DLG2: variants seen among roughly 807,000 people sequenced by gnomAD.
DLG2 encodes the protein discs large MAGUK scaffold protein 2.
DLG2 carries 45 observed loss-of-function variants against 132.5 expected under a neutral mutation model. The observed-to-expected ratio is 0.34, with a 90% confidence interval of 0.27 to 0.44. The LOEUF (loss-of-function observed/expected upper bound fraction) is 0.44, where lower values mean the gene tolerates loss of function less well. DLG2 is among the 20% of genes least tolerant of loss of function. The probability of loss-of-function intolerance (pLI) is 1.00; values close to 1 mark genes in which losing one functional copy is unlikely to be tolerated. For synonymous variants in DLG2, 424 were observed against 419.6 expected, an observed-to-expected ratio of 1.01 and a Z score of -0.13; for missense variants, 1,045 against 1,196.9, an observed-to-expected ratio of 0.87 and a Z score of 1.87.
chr11:84,824,523 T>C (rs139011509), intron 6 of DLG2, among the ~76,000 whole-genome samples: 24 of 151,980 alleles, frequency 1.6e-4, no homozygotes, highest in African/African-American at 5.5e-4. Flanking sequence ...CTTGAGAAGG[T>C]TGCTTTTTAT....
intron 6 of DLG2, among the ~76,000 whole-genome samples, chr11:84,854,332 G>A (rs1282654914): frequency 6.6e-6 from 1 of 151,448 alleles, no homozygotes; most frequent in African/African-American, 2.4e-5. Flanking sequence ...AAACCCCTCT[G>A]AGCATCAGTT....
chr11:84,785,357 C>T (rs1398022479), intron 6 of DLG2, among the ~76,000 whole-genome samples: 2 of 152,016 alleles, frequency 1.3e-5, no homozygotes, highest in Non-Finnish European at 2.9e-5. Context: ...GAAGTTAAAT[C>T]TAGATTTGAT....
At chr11:83,700,616 G>C (rs916199513) in intron 18 of DLG2, among the ~76,000 whole-genome samples, 1 of 152,096 alleles carries the variant, frequency 6.6e-6, no homozygotes, top group African/African-American at 2.4e-5. Flanking sequence ...AATGAGAAAA[G>C]ATGAACAGTT....
chr11:84,986,296 G>GA (rs2056484370), intron 6 of DLG2, among the ~76,000 whole-genome samples: 1 of 151,966 alleles, frequency 6.6e-6, no homozygotes. Flanking sequence ...CAGCGAGATT[G>GA]AAATGGTAAT....
intron 7 of DLG2, among the ~76,000 whole-genome samples, chr11:84,491,935 A>G (rs1185211819): frequency 6.6e-6 from 1 of 152,154 alleles, no homozygotes; most frequent in East Asian, 1.9e-4. Flanking sequence ...TTTATCTCCT[A>G]TAAAAGGAAA....
intron 19 of DLG2, among the ~76,000 whole-genome samples, chr11:83,612,184 T>G (rs190691773): frequency 1.3e-5 from 2 of 152,168 alleles, no homozygotes; most frequent in African/African-American, 4.8e-5. Context: ...CAGGGCTAGG[T>G]GCTTTACTTG....
chr11:84,599,109 A>G (rs903118290), intron 6 of DLG2, among the ~76,000 whole-genome samples: 2 of 152,002 alleles, frequency 1.3e-5, no homozygotes, highest in African/African-American at 4.8e-5. Flanking sequence ...GCCGGGCATG[A>G]TGGTGCATGC....
At chr11:85,254,328 G>T (rs1375032710) in intron 4 of DLG2, among the ~76,000 whole-genome samples, 1 of 152,138 alleles carries the variant, frequency 6.6e-6, no homozygotes, top group Non-Finnish European at 1.5e-5. Flanking sequence ...TTTAGAACAG[G>T]TTACAAAACA....
In DLG2 at chr11:85,416,534, G is replaced by A. The variant is rs182030625; in HGVS notation, c.41-131169C>T. ...TTGAATCTGTAAGTAACTTTAGGCA[G>A]TATGGCCATTTTCACAATATTGATT... On this transcript the variant is annotated intron_variant, in intron 3 of 27. Transcript: ENST00000376104. Among the ~76,000 whole-genome samples the A allele has an allele frequency of 1.4e-3, 214 of 152,304 alleles. 1 individual carries two copies. The highest frequency in any genetic ancestry group is 2.4e-3 in the Non-Finnish European group (165 of 68,020).
chr11:83,895,145 C>CTTTTTTTTTTTTTTTTTTTTTTTTTTTT (rs11287512), intron 15 of DLG2, among the ~76,000 whole-genome samples: 3 of 87,904 alleles, frequency 3.4e-5, no homozygotes, highest in African/African-American at 5.0e-5. Flanking sequence ...GAACTACTGT[C>CTTTTTTTTTTTTTTTTTTTTTTTTTTTT]TTTTTTTTTT....
chr11:84,030,808 C>A (rs949240153), intron 11 of DLG2, among the ~76,000 whole-genome samples: 1 of 152,082 alleles, frequency 6.6e-6, no homozygotes, highest in Non-Finnish European at 1.5e-5. Flanking sequence ...CTTCTAACAA[C>A]AGGGAAAATG....
At chr11:85,166,566 C>G (rs2078467189) in intron 4 of DLG2, among the ~76,000 whole-genome samples, 1 of 152,050 alleles carries the variant, frequency 6.6e-6, no homozygotes, top group Non-Finnish European at 1.5e-5. Flanking sequence ...ATCTATAATG[C>G]CTTCAGGAAA....
At chr11:85,346,574 A>C (rs1263996073) in intron 3 of DLG2, among the ~76,000 whole-genome samples, 1 of 152,128 alleles carries the variant, frequency 6.6e-6, no homozygotes, top group Non-Finnish European at 1.5e-5. Flanking sequence ...CAGAAATCAG[A>C]ATACGTAGAC....
intron 6 of DLG2, among the ~76,000 whole-genome samples, chr11:84,791,766 A>G (rs1349996906): frequency 2.0e-5 from 3 of 152,064 alleles, no homozygotes; most frequent in Non-Finnish European, 4.4e-5. Context: ...AATGCTACCG[A>G]TTTTTGTATG....
At chr11:85,540,362 A>G (rs2075884539) in intron 3 of DLG2, among the ~76,000 whole-genome samples, 1 of 152,178 alleles carries the variant, frequency 6.6e-6, no homozygotes, top group South Asian at 2.1e-4. Flanking sequence ...AGAAGAGCAC[A>G]CTGACAGACA....
chr11:83,711,449 T>C (rs76584829), intron 18 of DLG2, among the ~76,000 whole-genome samples: 1,969 of 152,322 alleles, frequency 0.013, 55 homozygotes, highest in African/African-American at 0.042. Flanking sequence ...AAGTGAGTCA[T>C]TGGACTGTCG....
At chr11:84,228,844 T>C (rs1300465058) in intron 8 of DLG2, among the ~76,000 whole-genome samples, 1 of 152,216 alleles carries the variant, frequency 6.6e-6, no homozygotes, top group African/African-American at 2.4e-5. Context: ...TCTGTATTGA[T>C]GTCGCCTGGC....
intron 14 of DLG2, among the ~76,000 whole-genome samples, chr11:83,960,498 A>T (rs1204043818): frequency 6.6e-6 from 1 of 152,124 alleles, no homozygotes; most frequent in African/African-American, 2.4e-5. Context: ...CTTTTACAAA[A>T]GAAAGGGCAT....
At chr11:85,400,119 A>G (rs2087900430) in intron 3 of DLG2, among the ~76,000 whole-genome samples, 1 of 152,202 alleles carries the variant, frequency 6.6e-6, no homozygotes, top group East Asian at 1.9e-4. Flanking sequence ...AAAGTGGGCA[A>G]ACGATAGGAA....
Sources: gnomAD v4.1 joint callset for allele counts (sites outside exome capture counted in the v4.1 genomes callset) on GRCh38, gnomAD v4.1.1 for gene constraint, MANE v1.5 for transcripts, NCBI Gene and HGNC (gene_info 2026-07-23, HGNC 2026-07-21) for gene names.